Variants in RBP2 observed in about 807,000 individuals in gnomAD.
RBP2 encodes the protein retinol binding protein 2.
RBP2 carries 17 observed loss-of-function variants against 17.0 expected under a neutral mutation model. The ratio of observed to expected loss-of-function variants is 1.00; its 90% CI spans 0.68 to 1.50. RBP2 has a LOEUF of 1.50. RBP2 is among the 40% of genes most tolerant of loss of function. The pLI is 0.00. For missense variants in RBP2, 158 were observed against 168.2 expected, an observed-to-expected ratio of 0.94 and a Z score of 0.33; for synonymous variants, 48 against 57.1, an observed-to-expected ratio of 0.84 and a Z score of 0.72.
Position 139,462,187 on chromosome 3 carries a change from G to T in RBP2, c.177C>A (p.Arg59=). The T allele has an allele frequency of 6.2e-7, 1 of 1,614,110 alleles. No individual in the cohort carries two copies. The highest frequency in any genetic ancestry group is 2.2e-5 in the East Asian group (1 of 44,874). Residue 59 remains arginine (R), a synonymous_variant, in exon 2 of 4, where the codon CGC becomes CGA. Coordinates refer to ENST00000232217, the MANE Select transcript of RBP2 (RefSeq NM_004164.3). ...NFKTKTTSTF[R]NYDVDFTVGV... ...CAACAGTGAAATCCACATCATAGTT[G>T]CGGAATGTGCTAGTGGTTTTTGTCT...
chr3:139,454,753 C>T lies in RBP2; in HGVS notation c.330G>A (p.Trp110Ter). ...GEKENRGWKQ[W>*]IEGDKLYLEL... is the part of the protein sequence containing the mutation. ...CCAGGTACAGCTTGTCCCCCTCAATCCACTGCTTCCAGCCGCGGTTCTCCT... is the reference window on the plus strand; with the variant it reads ...CCAGGTACAGCTTGTCCCCCTCAATTCACTGCTTCCAGCCGCGGTTCTCCT... The change falls in exon 3 of 4, where the codon TGG becomes TGA. Residue 110 changes from tryptophan (W) to a stop codon, truncating the protein, a stop_gained. Coordinates refer to ENST00000232217, the MANE Select transcript of RBP2 (RefSeq NM_004164.3). LOFTEE classifies it high-confidence loss of function. The T allele has an allele frequency of 6.2e-7, 1 of 1,614,216 alleles. No individual in the cohort carries two copies. Among genetic ancestry groups the T allele is most frequent in the Non-Finnish European group, 8.5e-7 (1 of 1,180,030 alleles).
At chr3:139,461,417 G>A (rs1933183188) in intron 2 of RBP2, among the ~76,000 whole-genome samples, 1 of 152,172 alleles carries the variant, frequency 6.6e-6, no homozygotes, top group Admixed American at 6.5e-5. Flanking sequence ...TCTGATACAT[G>A]GAGAGTTGCC....
At chr3:139,454,539 C>T (rs1943362047) in intron 3 of RBP2, among the ~76,000 whole-genome samples, 190 bp downstream of exon 3, 1 of 152,196 alleles carries the variant, frequency 6.6e-6, no homozygotes, top group Non-Finnish European at 1.5e-5. Flanking sequence ...ACAGAAACAG[C>T]CATATAGATT....
chr3:139,458,654 TTCTC>T (rs1165963971), intron 2 of RBP2, among the ~76,000 whole-genome samples: 4 of 152,100 alleles, frequency 2.6e-5, no homozygotes, highest in Non-Finnish European at 4.4e-5. Context: ...GGCAACCACT[TTCTC>T]TCTCTATGAA....
chr3:139,461,217 GCACCTCTC>G (rs1933176374), intron 2 of RBP2, among the ~76,000 whole-genome samples: 1 of 152,136 alleles, frequency 6.6e-6, no homozygotes, highest in Non-Finnish European at 1.5e-5. Context: ...TGCCTTCCCA[GCACCTCTC>G]CACTTCTCCC....
At position 139,452,955 on chromosome 3, in the gene RBP2, G is replaced by T; in HGVS notation, c.*161C>A. On this transcript the variant is annotated 3_prime_UTR_variant, in exon 4 of 4. Transcript: ENST00000232217. ...GCTAGGTTTCAAAGGAGGGGAATAT[G>T]TCTATCACTGCTACATAGGCATTCT... 1 of 706,546 alleles carries T rather than the reference G, an allele frequency of 1.4e-6. No homozygotes were observed. The highest frequency in any genetic ancestry group is 2.5e-6 in the Non-Finnish European group (1 of 408,118). 43.8% of individuals were successfully genotyped at this position (706,546 alleles called of 1,614,324 possible).
intron 1 of RBP2, among the ~76,000 whole-genome samples, chr3:139,463,730 A>G (rs1026153999): frequency 6.6e-6 from 1 of 152,212 alleles, no homozygotes; most frequent in Non-Finnish European, 1.5e-5. Flanking sequence ...CTATGAAATC[A>G]TCACTCTTGG....
chr3:139,464,448 A>G (rs1234042338), intron 1 of RBP2, among the ~76,000 whole-genome samples: 1 of 147,208 alleles, frequency 6.8e-6, no homozygotes, highest in Non-Finnish European at 1.5e-5. Flanking sequence ...GCGAGACTCC[A>G]TCTCAAAAAA....
chr3:139,467,650 C>G (rs1576426227), intron 1 of RBP2, among the ~76,000 whole-genome samples: 1 of 152,220 alleles, frequency 6.6e-6, no homozygotes, highest in East Asian at 1.9e-4. Flanking sequence ...TACATAGTAC[C>G]AAGTAGCTTG....
intron 1 of RBP2, among the ~76,000 whole-genome samples, chr3:139,471,395 G>C (rs1362995974): frequency 1.3e-5 from 2 of 152,180 alleles, no homozygotes; most frequent in Non-Finnish European, 2.9e-5. Context: ...CACTTAGATG[G>C]GAGCTGTCTG....
At chr3:139,462,387 G>C in intron 1 of RBP2, 97 bp from the exon 2 acceptor site, 1 of 1,249,804 alleles carries the variant, frequency 8.0e-7, no homozygotes, top group Non-Finnish European at 1.2e-6. Context: ...GACACAGATT[G>C]TGTGTAGGCC....
chr3:139,470,582 T>C (rs1431900040), intron 1 of RBP2, among the ~76,000 whole-genome samples: 1 of 151,902 alleles, frequency 6.6e-6, no homozygotes, highest in South Asian at 2.1e-4. Context: ...GCCTTCTGCC[T>C]ACCTTTCTAC....
intron 1 of RBP2, 33 bp from the exon 2 acceptor site, chr3:139,462,323 G>C: frequency 6.2e-7 from 1 of 1,607,584 alleles, no homozygotes; most frequent in Non-Finnish European, 8.5e-7. Context: ...AGGTTATGAT[G>C]TGCTCAGCCA....
rs545969694 is a variant in RBP2 at position 139,470,021 on chromosome 3, G to A, written c.73+6366C>T. Among the ~76,000 whole-genome samples, 3 of 152,306 alleles carry A rather than the reference G, an allele frequency of 2.0e-5. No homozygotes were observed. In the South Asian group the frequency reaches 6.2e-4, roughly 32 times the overall value. ...TCTGGATTCCTCACCCCATAAAACG[G>A]AAGGCATTTCTTCTGAATTTATCTC... On this transcript the variant is annotated intron_variant, in intron 1 of 3. Transcript: ENST00000232217.
chr3:139,453,186 G>T lies in RBP2; in HGVS notation c.355-20C>A. On this transcript the variant is annotated intron_variant, in intron 3 of 3. Transcript: ENST00000232217. ...CAGCTCCTGCAACGTCAGAAAGTGGGTGAGGGTCTAACAAGCCAGGCCTTT... is the reference window on the plus strand; with the variant it reads ...CAGCTCCTGCAACGTCAGAAAGTGGTTGAGGGTCTAACAAGCCAGGCCTTT... 1.2e-6 allele frequency: 2 copies of T among 1,614,050 alleles called. No homozygotes were observed. Among genetic ancestry groups the T allele is most frequent in the African/African-American group, 2.7e-5 (2 of 75,056 alleles).
At chr3:139,474,686 C>T (rs895913608) in intron 1 of RBP2, among the ~76,000 whole-genome samples, 13 of 152,108 alleles carry the variant, frequency 8.5e-5, no homozygotes, top group Admixed American at 4.6e-4. Context: ...ATGAGGAAAC[C>T]GAGGTTCCAA....
chr3:139,459,833 A>ACT (rs1933124753), intron 2 of RBP2, among the ~76,000 whole-genome samples: 1 of 134,002 alleles, frequency 7.5e-6, no homozygotes, highest in Non-Finnish European at 1.7e-5. Flanking sequence ...GGTGTGTGTG[A>ACT]GTGTGTGTGT....
At chr3:139,454,857 CA>C (rs771591315) in intron 2 of RBP2, 27 bp from the exon 3 acceptor site, 3 of 1,597,452 alleles carry the variant, frequency 1.9e-6, no homozygotes, top group Non-Finnish European at 2.6e-6. Flanking sequence ...CCAGGCAAAT[CA>C]AACACATGGT....
chr3:139,462,558 AACACACACACACAC>A (rs59601422), intron 1 of RBP2, among the ~76,000 whole-genome samples: 34 of 121,348 alleles, frequency 2.8e-4, no homozygotes, highest in Non-Finnish European at 4.6e-4. Flanking sequence ...GCAGCTCCCC[AACACACACACACAC>A]ACACACACAC....
Sources: gnomAD v4.1 joint callset for allele counts (sites outside exome capture counted in the v4.1 genomes callset) on GRCh38, gnomAD v4.1.1 for gene constraint, MANE v1.5 for transcripts, NCBI Gene and HGNC (gene_info 2026-07-23, HGNC 2026-07-21) for gene names.